Variants in MICAL3 observed in about 807,000 individuals in gnomAD.
MICAL3 encodes the protein [F-actin]-monooxygenase MICAL3.
A neutral mutation model predicts 207.4 loss-of-function variants in MICAL3; 62 were observed. That is an observed-to-expected ratio of 0.30 (90% CI 0.24 to 0.37). MICAL3 has a LOEUF of 0.37. MICAL3 is among the 10% of genes least tolerant of loss of function. The pLI, the probability that MICAL3 is intolerant of heterozygous loss-of-function variation, is 1.00. For synonymous variants in MICAL3, 1,077 were observed against 1,069.3 expected, an observed-to-expected ratio of 1.01 and a Z score of -0.14; for missense variants, 2,368 against 2,635.6, an observed-to-expected ratio of 0.90 and a Z score of 2.22.
chr22:17,858,535 C>A, intron 19 of MICAL3: 1 of 936,390 alleles, frequency 1.1e-6, no homozygotes, highest in Non-Finnish European at 1.3e-6. Context: ...TCTCGGGGAG[C>A]ACTTGTGGGA....
At chr22:17,865,245 G>A (rs1926962194) in intron 18 of MICAL3, among the ~76,000 whole-genome samples, 1 of 151,986 alleles carries the variant, frequency 6.6e-6, no homozygotes, top group Non-Finnish European at 1.5e-5. Flanking sequence ...TGAGTCACCC[G>A]GAGTCAAAGT....
intron 1 of MICAL3, among the ~76,000 whole-genome samples, chr22:17,961,763 C>T (rs938572491): frequency 1.2e-4 from 18 of 152,164 alleles, no homozygotes; most frequent in Admixed American, 2.6e-4. Context: ...TGCCCTTAGC[C>T]ATTCTAGAGT....
intron 26 of MICAL3, 45 bp from the exon 27 acceptor site, chr22:17,816,829 G>A (rs567453847): frequency 1.4e-6 from 2 of 1,403,196 alleles, no homozygotes; most frequent in South Asian, 1.2e-5. Context: ...CAGACAGCAG[G>A]CGCAGCCCTC....
intron 20 of MICAL3, among the ~76,000 whole-genome samples, chr22:17,838,820 C>T (rs1246549416): frequency 2.0e-5 from 3 of 152,110 alleles, no homozygotes; most frequent in East Asian, 1.9e-4. Flanking sequence ...AAGGAAGGAC[C>T]GACGGCTGGA....
At chr22:17,859,179 G>C (rs1926249649) in intron 19 of MICAL3, among the ~76,000 whole-genome samples, 1 of 152,144 alleles carries the variant, frequency 6.6e-6, no homozygotes, top group South Asian at 2.1e-4. Context: ...TGGGGGGTGA[G>C]GCCCTCCCTA....
intron 1 of MICAL3, among the ~76,000 whole-genome samples, chr22:17,966,004 G>A (rs573869997): frequency 6.6e-5 from 10 of 152,278 alleles, no homozygotes; most frequent in African/African-American, 2.4e-4. Flanking sequence ...ATAATACTGG[G>A]CCACAGGGCA....
intron 6 of MICAL3, among the ~76,000 whole-genome samples, chr22:17,899,927 G>C (rs922269104): frequency 6.6e-6 from 1 of 152,202 alleles, no homozygotes; most frequent in Admixed American, 6.5e-5. Context: ...AGATTCTTAA[G>C]AACAGGATAG....
chr22:17,967,113 C>A (rs920208586), intron 1 of MICAL3, among the ~76,000 whole-genome samples: 4 of 152,178 alleles, frequency 2.6e-5, no homozygotes, highest in Admixed American at 2.0e-4. Flanking sequence ...TCAACCAACA[C>A]GTGCTGAAAG....
intron 22 of MICAL3, among the ~76,000 whole-genome samples, chr22:17,825,439 CTCTTGGTT>C: frequency 6.6e-6 from 1 of 152,120 alleles, no homozygotes; most frequent in Non-Finnish European, 1.5e-5. Context: ...ACCCGCTCAG[CTCTTGGTT>C]TCCTTCAGCC....
chr22:17,885,889 T>G lies in MICAL3; in HGVS notation c.2230A>C (p.Ile744Leu), dbSNP rs1246052367. 1 of 1,613,994 alleles carries G rather than the reference T, an allele frequency of 6.2e-7. No homozygotes were observed. ...CGGGTTGGGTTTACCTGTCTCCGTATGCCGATGGACTGTGCGGGCGCATTC... is the reference window on the plus strand; with the variant it reads ...CGGGTTGGGTTTACCTGTCTCCGTAGGCCGATGGACTGTGCGGGCGCATTC... ...EENAPAQSIG[I>L]RRQGSMKKEF... is the part of the protein sequence containing the mutation. Residue 744 changes from isoleucine (I) to leucine (L), a missense_variant, in exon 16 of 32, where the codon ATA (isoleucine) becomes CTA (leucine). Physicochemically the swap from Ile to Leu is conservative, Grantham distance 5. Around this residue, in one of 4 missense-constraint regions of MICAL3, gnomAD observed 1,770 missense variants for 1,863.2 expected, o/e 0.95. Coordinates refer to ENST00000441493, the MANE Select transcript of MICAL3 (RefSeq NM_015241.3).
intron 1 of MICAL3, among the ~76,000 whole-genome samples, chr22:17,937,336 T>TC (rs540702710): frequency 6.6e-6 from 1 of 152,044 alleles, no homozygotes; most frequent in Non-Finnish European, 1.5e-5. Context: ...AGTCTAGCTT[T>TC]CCCCCCGATC....
At chr22:17,976,884 G>A (rs2146425833) in intron 1 of MICAL3, among the ~76,000 whole-genome samples, 2 of 149,846 alleles carry the variant, frequency 1.3e-5, no homozygotes, top group African/African-American at 4.9e-5. Flanking sequence ...TCGGCTCACT[G>A]CAAGCTCCGC....
At chr22:17,966,108 A>G (rs565114885) in intron 1 of MICAL3, among the ~76,000 whole-genome samples, 1 of 152,280 alleles carries the variant, frequency 6.6e-6, no homozygotes, top group East Asian at 1.9e-4. Flanking sequence ...CAGCTTCATC[A>G]TTCTCAGACA....
Position 17,959,505 on chromosome 22 carries a change from C to T in MICAL3, c.-74-52619G>A, listed in dbSNP as rs191301303. Among the ~76,000 whole-genome samples the T allele has an allele frequency of 4.6e-3, 699 of 151,638 alleles. 4 individuals carry two copies. Among genetic ancestry groups the T allele is most frequent in the Non-Finnish European group, 7.2e-3 (486 of 67,874 alleles). ...AATTTTTGTATTTTTAGTAGAGACA[C>T]GGTTTCACCATGTTGGCCAGGCTGG... On this transcript the variant is annotated intron_variant, in intron 1 of 31. Transcript: ENST00000441493.
intron 5 of MICAL3, among the ~76,000 whole-genome samples, 166 bp from the exon 6 acceptor site, chr22:17,901,163 C>T (rs1455399921): frequency 1.3e-5 from 2 of 152,096 alleles, no homozygotes; most frequent in Non-Finnish European, 2.9e-5. Context: ...ATTTACCTAC[C>T]CAAGAATATG....
chr22:18,002,534 G>A (rs574987295), intron 1 of MICAL3, among the ~76,000 whole-genome samples: 1 of 152,230 alleles, frequency 6.6e-6, no homozygotes, highest in South Asian at 2.1e-4. Context: ...TTAGGAGGCT[G>A]AGGCAGGAGA....
chr22:17,953,547 G>A (rs1161245705), intron 1 of MICAL3, among the ~76,000 whole-genome samples: 1 of 152,100 alleles, frequency 6.6e-6, no homozygotes, highest in Non-Finnish European at 1.5e-5. Flanking sequence ...TGATCTCTCT[G>A]GGACATGGGG....
intron 1 of MICAL3, among the ~76,000 whole-genome samples, chr22:17,962,375 G>C (rs1173733081): frequency 6.6e-6 from 1 of 152,202 alleles, no homozygotes; most frequent in Non-Finnish European, 1.5e-5. Flanking sequence ...GCAGGCACTC[G>C]CAGGCTGGGC....
At chr22:17,822,257 A>C in intron 23 of MICAL3, 87 bp from the exon 24 acceptor site, 2 of 1,475,806 alleles carry the variant, frequency 1.4e-6, no homozygotes, top group Non-Finnish European at 1.8e-6. Context: ...CCACTTGCTC[A>C]TTTGCAACAC....
Sources: allele counts gnomAD v4.1 joint callset (sites outside exome capture counted in the v4.1 genomes callset), GRCh38; gene constraint gnomAD v4.1.1; regional missense constraint gnomAD v4.1.1; transcripts MANE v1.5; gene names NCBI Gene and HGNC (gene_info 2026-07-23, HGNC 2026-07-21).